The following USP47 variants were observed in gnomAD, a reference collection of about 807,000 sequenced individuals.
USP47 encodes the protein ubiquitin specific peptidase 47.
In USP47, 35 loss-of-function variants were observed where a neutral mutation model predicts 165.1. The observed-to-expected ratio is 0.21, with a 90% CI of 0.16 to 0.28. USP47 has a LOEUF of 0.28. Among genes scored for constraint, USP47 ranks in the 10% least tolerant of loss-of-function variants. The pLI is 1.00. For missense variants in USP47, 1,277 were observed against 1,607.4 expected (o/e 0.79, Z 3.52); for synonymous variants, 531 against 544.5 (o/e 0.98, Z 0.35).
intron 18 of USP47, among the ~76,000 whole-genome samples, chr11:11,940,182 T>A (rs1855368352): frequency 6.6e-6 from 1 of 152,028 alleles, no homozygotes; most frequent in African/African-American, 2.4e-5. Flanking sequence ...GAAAAAATCC[T>A]TACCTTTAAA....
At chr11:11,859,784 C>T (rs1849267884) in intron 1 of USP47, among the ~76,000 whole-genome samples, 1 of 152,050 alleles carries the variant, frequency 6.6e-6, no homozygotes, top group South Asian at 2.1e-4. Context: ...AGAGCATTTT[C>T]AAGAAGTTCT....
intron 2 of USP47, among the ~76,000 whole-genome samples, chr11:11,880,911 G>A (rs927710096): frequency 7.2e-5 from 11 of 152,090 alleles, no homozygotes; most frequent in African/African-American, 2.4e-4. Flanking sequence ...GTATGAACAT[G>A]TGTAGCTTTT....
At chr11:11,913,606 T>G (rs1051815286) in intron 8 of USP47, among the ~76,000 whole-genome samples, 2 of 152,022 alleles carry the variant, frequency 1.3e-5, no homozygotes, top group Non-Finnish European at 2.9e-5. Context: ...TACCAGAGGC[T>G]GGGAACAGTG....
chr11:11,939,592 A>G (rs1855324792), intron 18 of USP47, among the ~76,000 whole-genome samples: 1 of 152,048 alleles, frequency 6.6e-6, no homozygotes, highest in Non-Finnish European at 1.5e-5. Context: ...AATGCATACT[A>G]TGTTGGTATA....
chr11:11,948,414 G>C lies in USP47; in HGVS notation c.3268-64G>C, dbSNP rs559483303. 18 of 1,399,660 alleles carry C rather than the reference G, an allele frequency of 1.3e-5. No individual in the cohort carries two copies. In the South Asian group the frequency reaches 2.0e-4, roughly 16 times the overall value. 86.7% of individuals were successfully genotyped at this position (1,399,660 alleles called of 1,614,324 possible). On this transcript the variant is annotated intron_variant, in intron 21 of 27. Transcript: ENST00000527733. The stretch of plus-strand genomic sequence containing the variant: ...GAGTATTTTGGAAAGTTTAAAAATG[G>C]GATGAGAATGGGTTGTTTATTCTGC...
Position 11,960,871 on chromosome 11 carries a change from C to T in USP47, c.*4696C>T, listed in dbSNP as rs577002710. 1.3e-5 allele frequency among the ~76,000 whole-genome samples: 2 copies of T among 152,248 alleles called. No individual in the cohort carries two copies. Among genetic ancestry groups the T allele is most frequent in the South Asian group, 2.1e-4 (1 of 4,826 alleles). ...AATACCTAATGCCTTTTTTCTCTTC[C>T]TGTCTTTGTCCCTCACACTACAGCA... On this transcript the variant is annotated 3_prime_UTR_variant, in exon 28 of 28. Coordinates refer to ENST00000527733, the MANE Select transcript of USP47 (RefSeq NM_001282659.2).
At chr11:11,906,648 G>A (rs908872591) in intron 8 of USP47, among the ~76,000 whole-genome samples, 5 of 152,046 alleles carry the variant, frequency 3.3e-5, no homozygotes, top group East Asian at 1.9e-4. Flanking sequence ...TTTCATAGTC[G>A]GCTTCCTGAG....
rs538627749 is a variant in USP47 at position 11,841,990 on chromosome 11, A to G, written c.-196A>G. On this transcript the variant is annotated 5_prime_UTR_variant, in exon 1 of 28. Transcript: ENST00000527733. ...GGCCGACGACGAAGGCGGCTGTGGTAGCGGCGGCGGCGGCGGCGGAGCCCT... is the reference window on the plus strand; with the variant it reads ...GGCCGACGACGAAGGCGGCTGTGGTGGCGGCGGCGGCGGCGGCGGAGCCCT... 2.8e-4 allele frequency: 148 copies of G among 531,388 alleles called. No individual in the cohort carries two copies. Among genetic ancestry groups the G allele is most frequent in the African/African-American group, 2.0e-3 (100 of 50,002 alleles). The allele number at this position is 531,388 out of a possible 1,614,324, so 32.9% of individuals were successfully genotyped here.
intron 8 of USP47, among the ~76,000 whole-genome samples, chr11:11,917,579 G>C (rs369388153): frequency 6.6e-6 from 1 of 150,854 alleles, no homozygotes; most frequent in East Asian, 2.0e-4. Context: ...CTGTTGTGTG[G>C]GTGGGGAATA....
At position 11,884,598 on chromosome 11, in the gene USP47, C is replaced by A; in HGVS notation, c.357+18C>A. On this transcript the variant is annotated intron_variant, in intron 3 of 27. Transcript: ENST00000527733. ...TACTGCTGGTAAGCTACTTAGAAAG[C>A]CCCATATTTATAATTTTTGTGCACT... is the stretch of plus-strand genomic sequence containing the variant. The A allele has an allele frequency of 6.4e-7, 1 of 1,565,616 alleles. No homozygotes were observed. The highest frequency in any genetic ancestry group is 8.7e-7 in the Non-Finnish European group (1 of 1,153,646).
At chr11:11,873,683 T>G in intron 1 of USP47, 1 of 468,848 alleles carries the variant, frequency 2.1e-6, no homozygotes, top group South Asian at 7.7e-5. Context: ...ACTAATACTT[T>G]AATTAATACA....
At chr11:11,876,140 A>G (rs1850403602) in intron 1 of USP47, among the ~76,000 whole-genome samples, 1 of 152,190 alleles carries the variant, frequency 6.6e-6, no homozygotes, top group African/African-American at 2.4e-5. Flanking sequence ...TCTTTGTAGA[A>G]AACTTTGTCC....
At chr11:11,936,616 C>G in intron 17 of USP47, 106 bp downstream of exon 17, 1 of 923,134 alleles carries the variant, frequency 1.1e-6, no homozygotes, top group East Asian at 2.8e-5. Context: ...TGTATATGGT[C>G]TTAAAATGTA....
chr11:11,893,412 A>G (rs752773055), intron 4 of USP47, among the ~76,000 whole-genome samples: 1 of 152,192 alleles, frequency 6.6e-6, no homozygotes, highest in Non-Finnish European at 1.5e-5. Flanking sequence ...CTATAGTGTT[A>G]CATTGCAGAT....
Position 11,905,326 on chromosome 11 carries a change from A to G in USP47, c.820-73A>G, listed in dbSNP as rs752695556. ...AATATCCTTTTGTAAACCATTCTAA[A>G]AAGTGTAGAATGTTACATGTTTTAA... On this transcript the variant is annotated intron_variant, in intron 7 of 27. Coordinates refer to ENST00000527733, the MANE Select transcript of USP47 (RefSeq NM_001282659.2). 1.0e-3 allele frequency: 1,136 copies of G among 1,131,472 alleles called. 1 individual carries two copies. Among genetic ancestry groups the G allele is most frequent in the Non-Finnish European group, 1.2e-3 (987 of 845,974 alleles). The allele number at this position is 1,131,472 out of a possible 1,614,324, so 70.1% of individuals were successfully genotyped here. A position where few individuals can be genotyped will look rare whatever the true frequency, so the allele number is the denominator to read the frequency against.
chr11:11,865,983 A>G (rs1420536862), intron 1 of USP47, among the ~76,000 whole-genome samples: 1 of 152,148 alleles, frequency 6.6e-6, no homozygotes, highest in East Asian at 1.9e-4. Context: ...TTACTCTGAT[A>G]GTGCCCTTTG....
chr11:11,888,644 T>C (rs539271716), intron 3 of USP47, among the ~76,000 whole-genome samples: 58 of 152,284 alleles, frequency 3.8e-4, no homozygotes, highest in African/African-American at 1.3e-3. Context: ...CTGGTACCAT[T>C]TCTACTGAAA....
At chr11:11,955,870 A>T (rs1003088170) in intron 27 of USP47, 131 bp from the exon 28 acceptor site, 3 of 725,876 alleles carry the variant, frequency 4.1e-6, no homozygotes, top group Non-Finnish European at 6.5e-6. Flanking sequence ...ACATCTCAGT[A>T]TATAAAATAA....
At position 11,887,561 on chromosome 11, in the gene USP47, C is replaced by T. The variant is rs1034673994; in HGVS notation, c.357+2981C>T. Among the ~76,000 whole-genome samples, 6 of 152,034 alleles carry T rather than the reference C, an allele frequency of 3.9e-5. No homozygotes were observed. The South Asian group carries it at 1.2e-3, about 32-fold the overall frequency. ...ATATATGCACTCAATACAGGAACAC[C>T]CAGATTCATAAAGCAAGTTCTTAGA... On this transcript the variant is annotated intron_variant, in intron 3 of 27. Coordinates refer to ENST00000527733, the MANE Select transcript of USP47 (RefSeq NM_001282659.2).
Sources: allele counts gnomAD v4.1 joint callset (sites outside exome capture counted in the v4.1 genomes callset), GRCh38; gene constraint gnomAD v4.1.1; transcripts MANE v1.5; gene names NCBI Gene and HGNC (gene_info 2026-07-23, HGNC 2026-07-21).